Variants in PDE7A observed in about 807,000 individuals in gnomAD.
PDE7A encodes the protein high affinity 3',5'-cyclic-AMP phosphodiesterase 7A.
In PDE7A, 39 loss-of-function variants were observed where a neutral mutation model predicts 64.3. The observed-to-expected ratio is 0.61, with a 90% CI of 0.47 to 0.79. The LOEUF (loss-of-function observed/expected upper bound fraction) is 0.79. Among genes scored for constraint, PDE7A ranks in the 30% least tolerant of loss-of-function variants. The pLI is 0.00. For missense variants in PDE7A, 470 were observed against 582.8 expected, an observed-to-expected ratio of 0.81 and a Z score of 1.99; for synonymous variants, 203 against 206.8, an observed-to-expected ratio of 0.98 and a Z score of 0.16.
At chr8:65,788,734 GC>G (rs1809625280) in intron 1 of PDE7A, 2 of 513,698 alleles carry the variant, frequency 3.9e-6, no homozygotes. Flanking sequence ...GTAAATTTAA[GC>G]CCTTTGGTCG....
chr8:65,736,087 TAA>T (rs1807116999), intron 6 of PDE7A, among the ~76,000 whole-genome samples: 1 of 152,172 alleles, frequency 6.6e-6, no homozygotes, highest in South Asian at 2.1e-4. Context: ...GCGCAATTTA[TAA>T]GTTAGTCACA....
Position 65,717,444 on chromosome 8 carries a change from G to A in PDE7A, c.*1846C>T, listed in dbSNP as rs548527397. The A allele has an allele frequency of 6.6e-6, 1 of 152,298 alleles. No homozygotes were observed. Among genetic ancestry groups the A allele is most frequent in the South Asian group, 2.1e-4 (1 of 4,822 alleles). 9.4% of individuals were successfully genotyped at this position (152,298 alleles called of 1,614,324 possible). A position where few individuals can be genotyped will look rare whatever the true frequency, so the allele number is the denominator to read the frequency against. ...CTGATGTCTTATGCAGTTCACCACT[G>A]TAGGAACAAAAGGCCTGGCTCAAAG... On this transcript the variant is annotated 3_prime_UTR_variant, in exon 13 of 13. Transcript: ENST00000401827.
In PDE7A at chr8:65,724,971, T is replaced by C. The variant is rs368399778; in HGVS notation, c.921-50A>G. The C allele has an allele frequency of 1.6e-5, 20 of 1,240,352 alleles. No homozygotes were observed. The African/African-American group carries it at 2.6e-4, about 16-fold the overall frequency. 76.8% of individuals were successfully genotyped at this position (1,240,352 alleles called of 1,614,324 possible). ...AAAATATAAGACTTTCAATTAACTA[T>C]TTATTGATTTTTTTTCTTAACCATA... On this transcript the variant is annotated intron_variant, in intron 9 of 12. Coordinates refer to ENST00000401827, the MANE Select transcript of PDE7A (RefSeq NM_001242318.3).
intron 9 of PDE7A, chr8:65,725,369 T>C (rs1002078598): frequency 6.4e-6 from 1 of 155,266 alleles, no homozygotes; most frequent in African/African-American, 2.4e-5. Flanking sequence ...TAATGGCCCA[T>C]TCAACAGCTG....
chr8:65,769,849 T>C (rs1808991670), intron 3 of PDE7A, among the ~76,000 whole-genome samples: 1 of 152,174 alleles, frequency 6.6e-6, no homozygotes, highest in Non-Finnish European at 1.5e-5. Flanking sequence ...TGAGCCAAGA[T>C]TGTGCCATTG....
At chr8:65,758,628 G>C (rs767271354) in intron 3 of PDE7A, among the ~76,000 whole-genome samples, 15 of 152,216 alleles carry the variant, frequency 9.9e-5, no homozygotes, top group African/African-American at 3.6e-4. Context: ...GTTATGGACA[G>C]TGTTTCAATT....
intron 1 of PDE7A, among the ~76,000 whole-genome samples, chr8:65,788,428 A>G (rs1809616765): frequency 6.6e-6 from 1 of 152,190 alleles, no homozygotes; most frequent in Non-Finnish European, 1.5e-5. Flanking sequence ...GCAAGACCTT[A>G]GGAGAAAACA....
At chr8:65,776,892 T>G (rs1809274238) in intron 3 of PDE7A, among the ~76,000 whole-genome samples, 1 of 152,168 alleles carries the variant, frequency 6.6e-6, no homozygotes, top group Non-Finnish European at 1.5e-5. Context: ...GAAACAATAC[T>G]GAATAGGAAA....
At chr8:65,723,749 C>T (rs1264143164) in intron 11 of PDE7A, 128 bp from the exon 12 acceptor site, 6 of 564,356 alleles carry the variant, frequency 1.1e-5, no homozygotes, top group Admixed American at 4.1e-5. Flanking sequence ...AGGACAGCTT[C>T]GCAATTAGTT....
At chr8:65,803,202 A>G (rs1302072008) in intron 1 of PDE7A, among the ~76,000 whole-genome samples, 1 of 152,226 alleles carries the variant, frequency 6.6e-6, no homozygotes, top group East Asian at 1.9e-4. Context: ...ATTCAGGCAT[A>G]TCGATGACTT....
rs187547506 is a variant in PDE7A at position 65,781,947 on chromosome 8, C to G, written c.199+836G>C. The stretch of plus-strand genomic sequence containing the variant: ...AAAGAACTGAGGCAGGTAAGACACA[C>G]AAGATAAAATAAAGAGGACAAAAAG... On this transcript the variant is annotated intron_variant, in intron 2 of 12. Coordinates refer to ENST00000401827, the MANE Select transcript of PDE7A (RefSeq NM_001242318.3). Among the ~76,000 whole-genome samples, 3 of 151,860 alleles carry G rather than the reference C, an allele frequency of 2.0e-5. No individual in the cohort carries two copies. In the East Asian group the frequency reaches 5.8e-4, roughly 29 times the overall value.
chr8:65,798,206 A>ATATATATATATATATTTTT, intron 1 of PDE7A, among the ~76,000 whole-genome samples: 9 of 73,804 alleles, frequency 1.2e-4, no homozygotes, highest in Admixed American at 6.2e-4. Flanking sequence ...ATATATATAT[A>ATATATATATATATATTTTT]TTTTTTTTTT....
intron 6 of PDE7A, among the ~76,000 whole-genome samples, chr8:65,738,114 C>T (rs1585848356): frequency 6.6e-6 from 1 of 152,102 alleles, no homozygotes; most frequent in Non-Finnish European, 1.5e-5. Context: ...GCTATGTTTA[C>T]ACTATAGTCT....
intron 1 of PDE7A, among the ~76,000 whole-genome samples, chr8:65,821,378 C>G (rs955032329): frequency 2.1e-4 from 31 of 146,890 alleles, no homozygotes; most frequent in African/African-American, 4.0e-4. Context: ...GTTAAAATTC[C>G]CTCCCCCCTA....
chr8:65,809,108 G>A (rs950861346), intron 1 of PDE7A, among the ~76,000 whole-genome samples: 1 of 152,116 alleles, frequency 6.6e-6, no homozygotes, highest in African/African-American at 2.4e-5. Flanking sequence ...GTGACCTCTG[G>A]CAAGGAGCAA....
At chr8:65,797,569 G>A (rs1253844256) in intron 1 of PDE7A, among the ~76,000 whole-genome samples, 1 of 152,172 alleles carries the variant, frequency 6.6e-6, no homozygotes, top group Non-Finnish European at 1.5e-5. Flanking sequence ...TTAAGCCACC[G>A]AGGTTTTGAT....
At chr8:65,766,953 C>G (rs921490604) in intron 3 of PDE7A, among the ~76,000 whole-genome samples, 2 of 152,018 alleles carry the variant, frequency 1.3e-5, no homozygotes, top group Non-Finnish European at 2.9e-5. Flanking sequence ...AGTATTAATG[C>G]CAACATTTTC....
chr8:65,767,764 C>G (rs1160133084), intron 3 of PDE7A, among the ~76,000 whole-genome samples: 1 of 152,158 alleles, frequency 6.6e-6, no homozygotes, highest in African/African-American at 2.4e-5. Context: ...ACCCCTTCCC[C>G]CATACCTCAC....
intron 1 of PDE7A, among the ~76,000 whole-genome samples, chr8:65,834,108 T>A (rs974081384): frequency 6.6e-6 from 1 of 152,124 alleles, no homozygotes; most frequent in African/African-American, 2.4e-5. Flanking sequence ...ATAAATATAC[T>A]AAGAAATTTT....
Sources: gnomAD v4.1 joint callset for allele counts (sites outside exome capture counted in the v4.1 genomes callset) on GRCh38, gnomAD v4.1.1 for gene constraint, MANE v1.5 for transcripts, NCBI Gene and HGNC (gene_info 2026-07-23, HGNC 2026-07-21) for gene names.